Variants in ATP2C1 observed in about 807,000 individuals in gnomAD.
The protein encoded by ATP2C1 is calcium-transporting ATPase type 2C member 1.
ATP2C1 carries 31 observed loss-of-function variants against 120.5 expected under a neutral mutation model. The observed-to-expected ratio is 0.26, with a 90% CI of 0.19 to 0.35. The LOEUF is 0.35. Ranked by LOEUF, ATP2C1 falls within the 10% of genes least tolerant of loss-of-function variation. The pLI is 1.00. For missense variants in ATP2C1, 731 were observed against 1,107.5 expected (o/e 0.66, Z 4.83); for synonymous variants, 351 against 358.7 (o/e 0.98, Z 0.24).
At chr3:130,853,009 TATATTCAC>T (rs1253801374) in intron 1 of ATP2C1, among the ~76,000 whole-genome samples, 1 of 152,192 alleles carries the variant, frequency 6.6e-6, no homozygotes, top group Non-Finnish European at 1.5e-5. Flanking sequence ...TAAAATTTCC[TATATTCAC>T]ATAGCACTGT....
At position 130,894,422 on chromosome 3, in the gene ATP2C1, G is replaced by C; in HGVS notation, c.-181+85G>C. On this transcript the variant is annotated intron_variant, in intron 1 of 27. Coordinates refer to ENST00000510168, the MANE Select transcript of ATP2C1 (RefSeq NM_001378687.1). This position sits in a 1 kb window ranked among gnomAD's most constrained non-coding sequence, Gnocchi z 4.5. ...GGGAGGTTCGGGTATCCCCTGGATG[G>C]GGGGGCATCTCTAGGGCGCCGCCCC... 2.4e-6 allele frequency: 3 copies of C among 1,261,358 alleles called. No individual in the cohort carries two copies. Among genetic ancestry groups the C allele is most frequent in the Non-Finnish European group, 3.0e-6 (3 of 993,790 alleles). The allele number at this position is 1,261,358 out of a possible 1,614,324, so 78.1% of individuals were successfully genotyped here.
At chr3:130,941,293 CAT>C (rs2059909058) in intron 7 of ATP2C1, among the ~76,000 whole-genome samples, 1 of 149,542 alleles carries the variant, frequency 6.7e-6, no homozygotes, top group African/African-American at 2.5e-5. Context: ...CGCGCGCATG[CAT>C]GCGCGTGTCC....
downstream of ATP2C1, among the ~76,000 whole-genome samples, chr3:131,003,943 A>G (rs753756616): frequency 2.6e-5 from 4 of 152,192 alleles, no homozygotes; most frequent in Non-Finnish European, 4.4e-5. Context: ...TCACTTGGCA[A>G]TTCACTTCCA....
chr3:131,009,417 G>A (rs1435147951), intron 26 of ATP2C1, among the ~76,000 whole-genome samples: 1 of 152,184 alleles, frequency 6.6e-6, no homozygotes, highest in Admixed American at 6.5e-5. Flanking sequence ...ATGTTTTCAG[G>A]AGTAGCAGGA....
intron 24 of ATP2C1, 56 bp from the exon 25 acceptor site, chr3:130,997,547 AAGT>A: frequency 6.5e-7 from 1 of 1,531,348 alleles, no homozygotes; most frequent in Admixed American, 1.7e-5. Flanking sequence ...GAGGTTGTGA[AAGT>A]AACAAATCCA....
At chr3:131,006,673 TAC>T (rs2109002559), downstream of ATP2C1, among the ~76,000 whole-genome samples, 1 of 149,388 alleles carries the variant, frequency 6.7e-6, no homozygotes, top group Middle Eastern at 3.5e-3. Context: ...GTGTGTGTAG[TAC>T]AGTTTCTTGT....
At chr3:130,902,700 A>G (rs2057918395) in intron 2 of ATP2C1, among the ~76,000 whole-genome samples, 1 of 151,786 alleles carries the variant, frequency 6.6e-6, no homozygotes, top group Admixed American at 6.6e-5. Flanking sequence ...TTATCCATTT[A>G]TTCTAACTAG....
intron 2 of ATP2C1, among the ~76,000 whole-genome samples, chr3:130,903,100 C>T (rs548147380): frequency 6.6e-6 from 1 of 152,062 alleles, no homozygotes; most frequent in South Asian, 2.1e-4. Context: ...GGTAAAAGTC[C>T]TTGAGTTCGG....
intron 11 of ATP2C1, among the ~76,000 whole-genome samples, chr3:130,957,583 G>A (rs554629335): frequency 1.3e-5 from 2 of 152,164 alleles, no homozygotes; most frequent in East Asian, 1.9e-4. Context: ...TCTCATTCTT[G>A]TTGCTCAGGC....
rs2108795189 is a variant in ATP2C1, at chr3:130,982,440, G to T, written c.1839+1761G>T. 1.3e-5 allele frequency among the ~76,000 whole-genome samples: 2 copies of T among 152,314 alleles called. 1 individual carries two copies. Among genetic ancestry groups the T allele is most frequent in the South Asian group, 4.1e-4 (2 of 4,828 alleles). On this transcript the variant is annotated intron_variant, in intron 20 of 27. Coordinates refer to ENST00000510168, the MANE Select transcript of ATP2C1 (RefSeq NM_001378687.1). ...ATTATCTTGGGCTGCCTTGTAAGGG[G>T]CCTATCAAAGCCTGGTTTGTGGATA...
chr3:130,861,983 ATT>A (rs897326599), intron 1 of ATP2C1, among the ~76,000 whole-genome samples: 8 of 151,844 alleles, frequency 5.3e-5, no homozygotes, highest in African/African-American at 1.9e-4. Context: ...AATTAAAAAA[ATT>A]TTTTTTGAGA....
chr3:130,900,122 G>C (rs1171312939), intron 2 of ATP2C1, among the ~76,000 whole-genome samples: 1 of 151,882 alleles, frequency 6.6e-6, no homozygotes, highest in Non-Finnish European at 1.5e-5. Flanking sequence ...GGACACAGTA[G>C]CATCATTATA....
At chr3:130,917,943 A>G (rs1447918203) in intron 2 of ATP2C1, among the ~76,000 whole-genome samples, 5 of 147,942 alleles carry the variant, frequency 3.4e-5, no homozygotes, top group African/African-American at 1.2e-4. Flanking sequence ...TGTCCTCAAG[A>G]TTCACCCATG....
intron 1 of ATP2C1, among the ~76,000 whole-genome samples, chr3:130,875,099 C>T (rs1270692451): frequency 6.6e-6 from 1 of 152,158 alleles, no homozygotes; most frequent in Non-Finnish European, 1.5e-5. Context: ...TATCCCTCAC[C>T]TCAAAAATTT....
At chr3:130,974,394 G>A (rs1473951580) in intron 17 of ATP2C1, among the ~76,000 whole-genome samples, 1 of 152,222 alleles carries the variant, frequency 6.6e-6, no homozygotes, top group Non-Finnish European at 1.5e-5. Flanking sequence ...TGTCACAGCA[G>A]GGGTAGAAGA....
rs1440686680 is a variant in ATP2C1, at chr3:131,001,308, GA to G, written c.2720del (p.Lys907SerfsTer24). The G allele has an allele frequency of 6.2e-7, 1 of 1,613,566 alleles. No individual in the cohort carries two copies. Among genetic ancestry groups the G allele is most frequent in the Non-Finnish European group, 8.5e-7 (1 of 1,179,760 alleles). On this transcript the variant is annotated frameshift_variant, in exon 28 of 28. Transcript: ENST00000510168. LOFTEE classifies it high-confidence loss of function. ...KVERSREKIQ[K>X]HVSSTSSSFL... ...TTGAAAGGAGCAGGGAAAAGATCCA[GA>G]AGCATGTTAGTTCGACATCATCATC...
Position 130,973,433 on chromosome 3 carries a change from A to T in ATP2C1, c.1414-1899A>T, listed in dbSNP as rs752592519. Reference sequence around the variant, plus strand: ...GTAGTCTGCCACTTAGCCCAGCGGGATACATTCCAAGACTGCTAGTGGATG... The same window carrying T: ...GTAGTCTGCCACTTAGCCCAGCGGGTTACATTCCAAGACTGCTAGTGGATG... On this transcript the variant is annotated intron_variant, in intron 17 of 27. Transcript: ENST00000510168. 2.6e-5 allele frequency among the ~76,000 whole-genome samples: 4 copies of T among 152,176 alleles called. No individual in the cohort carries two copies. The South Asian group carries it at 8.3e-4, about 32-fold the overall frequency.
Position 130,964,109 on chromosome 3 carries a change from A to G in ATP2C1, c.1024+14A>G. 6.2e-7 allele frequency: 1 copy of G among 1,611,938 alleles called. No individual in the cohort carries two copies. Among genetic ancestry groups the G allele is most frequent in the African/African-American group, 1.3e-5 (1 of 74,936 alleles). Reference sequence around the variant, plus strand: ...TTGAAACTCTGGGTAAGTCTGTGTTAAGAGCATTCTTATGCAATGATGCGT... The same window carrying G: ...TTGAAACTCTGGGTAAGTCTGTGTTGAGAGCATTCTTATGCAATGATGCGT... On this transcript the variant is annotated intron_variant, in intron 13 of 27. Coordinates refer to ENST00000510168, the MANE Select transcript of ATP2C1 (RefSeq NM_001378687.1).
At chr3:130,948,363 A>G (rs1405829764) in intron 8 of ATP2C1, among the ~76,000 whole-genome samples, 2 of 151,774 alleles carry the variant, frequency 1.3e-5, no homozygotes, top group South Asian at 2.1e-4. Context: ...TTTTCTGAAT[A>G]TTATAAATGT....
Sources: allele counts gnomAD v4.1 joint callset (sites outside exome capture counted in the v4.1 genomes callset), GRCh38; gene constraint gnomAD v4.1.1; non-coding constraint Gnocchi (gnomAD v3.1); transcripts MANE v1.5; gene names NCBI Gene and HGNC (gene_info 2026-07-23, HGNC 2026-07-21).